The following KCNMB2 variants were observed in gnomAD, a reference collection of about 807,000 sequenced individuals.
KCNMB2 encodes potassium calcium-activated channel subfamily M regulatory beta subunit 2, also known as calcium-activated potassium channel subunit beta-2.
KCNMB2 carries 9 observed loss-of-function variants against 24.5 expected under a neutral mutation model. That is an observed-to-expected ratio of 0.37 (90% CI 0.22 to 0.64). KCNMB2 has a LOEUF of 0.64. Among genes scored for constraint, KCNMB2 ranks in the 30% least tolerant of loss-of-function variants. The probability of loss-of-function intolerance (pLI) is 0.63; values close to 1 mark genes in which losing one functional copy is unlikely to be tolerated. For synonymous variants in KCNMB2, 109 were observed against 104.4 expected, an observed-to-expected ratio of 1.04 and a Z score of -0.27; for missense variants, 226 against 284.3, an observed-to-expected ratio of 0.79 and a Z score of 1.47.
chr3:178,751,731 CAT>C (rs1253370022), intron 1 of KCNMB2, among the ~76,000 whole-genome samples: 1 of 152,140 alleles, frequency 6.6e-6, no homozygotes, highest in East Asian at 1.9e-4. Flanking sequence ...AAACTGCACA[CAT>C]GTTTTATTAT....
intron 1 of KCNMB2, among the ~76,000 whole-genome samples, chr3:178,562,071 T>C (rs1049946529): frequency 2.7e-4 from 41 of 152,252 alleles, no homozygotes; most frequent in Admixed American, 7.2e-4. Context: ...TAATATTGTA[T>C]ATAAAGCAAT....
intron 1 of KCNMB2, among the ~76,000 whole-genome samples, chr3:178,760,553 T>G (rs1362425495): frequency 6.7e-6 from 1 of 148,740 alleles, no homozygotes; most frequent in Non-Finnish European, 1.5e-5. Flanking sequence ...TACCACAATT[T>G]TCACTGGTAA....
At chr3:178,763,925 A>T (rs1486572872) in intron 1 of KCNMB2, among the ~76,000 whole-genome samples, 1 of 152,210 alleles carries the variant, frequency 6.6e-6, no homozygotes, top group Non-Finnish European at 1.5e-5. Context: ...GTCATTGTTA[A>T]ATAGAGTGAC....
At chr3:178,742,998 C>G (rs867545213) in intron 1 of KCNMB2, among the ~76,000 whole-genome samples, 1 of 151,972 alleles carries the variant, frequency 6.6e-6, no homozygotes, top group East Asian at 1.9e-4. Flanking sequence ...GTGGCTGTTA[C>G]AAGAAACACT....
intron 1 of KCNMB2, among the ~76,000 whole-genome samples, chr3:178,593,944 G>A (rs1325728054): frequency 6.7e-6 from 1 of 150,018 alleles, no homozygotes; most frequent in African/African-American, 2.5e-5. Flanking sequence ...AATCATGTCT[G>A]CATGACCCCA....
At chr3:178,552,802 A>T (rs1716003356) in intron 1 of KCNMB2, among the ~76,000 whole-genome samples, 1 of 152,224 alleles carries the variant, frequency 6.6e-6, no homozygotes, top group Non-Finnish European at 1.5e-5. Flanking sequence ...TGTCCTAATA[A>T]GTCACATATT....
intron 1 of KCNMB2, among the ~76,000 whole-genome samples, chr3:178,604,031 A>G (rs537410663): frequency 1.3e-5 from 2 of 152,148 alleles, no homozygotes; most frequent in South Asian, 2.1e-4. Flanking sequence ...CTACCCCAAC[A>G]TGGCTCTGCT....
chr3:178,839,583 T>C (rs891369321), intron 4 of KCNMB2, among the ~76,000 whole-genome samples: 13 of 152,156 alleles, frequency 8.5e-5, no homozygotes, highest in Non-Finnish European at 1.9e-4. Context: ...CTCATGGTTC[T>C]GCATGGCTGG....
chr3:178,726,266 T>C (rs922398498), intron 1 of KCNMB2, among the ~76,000 whole-genome samples: 1 of 151,944 alleles, frequency 6.6e-6, no homozygotes, highest in African/African-American at 2.4e-5. Context: ...CTGCACATAC[T>C]GAAAACCTCA....
chr3:178,624,574 T>G (rs936626436), intron 1 of KCNMB2, among the ~76,000 whole-genome samples: 4 of 137,262 alleles, frequency 2.9e-5, no homozygotes, highest in Non-Finnish European at 4.6e-5. Flanking sequence ...ATTCAGTAGC[T>G]TTCTATTTTT....
rs551197706 is a variant in KCNMB2 at position 178,722,645 on chromosome 3, G to C, written c.-67-84698G>C. On this transcript the variant is annotated intron_variant, in intron 1 of 4. Coordinates refer to ENST00000452583, the MANE Select transcript of KCNMB2 (RefSeq NM_181361.3). ...ACGGTGACATATGCCTGTAATCCCA[G>C]CACTTTGGGGACCAAGATGGGCAGA... 8.5e-5 allele frequency among the ~76,000 whole-genome samples: 13 copies of C among 152,244 alleles called. No individual in the cohort carries two copies. The South Asian group carries it at 2.7e-3, about 32-fold the overall frequency.
intron 1 of KCNMB2, chr3:178,747,105 C>T (rs931245883): frequency 3.3e-5 from 5 of 152,472 alleles, no homozygotes. Context: ...TGAAGACATA[C>T]CTGAGACTGC....
intron 1 of KCNMB2, among the ~76,000 whole-genome samples, chr3:178,628,184 CCTT>C (rs1560138084): frequency 6.6e-6 from 1 of 152,236 alleles, no homozygotes; most frequent in East Asian, 1.9e-4. Flanking sequence ...AGCCCCTCTC[CCTT>C]CTTGTCAACA....
intron 1 of KCNMB2, among the ~76,000 whole-genome samples, chr3:178,773,974 G>T (rs1007235575): frequency 6.6e-6 from 1 of 152,164 alleles, no homozygotes; most frequent in Non-Finnish European, 1.5e-5. Flanking sequence ...CACAATTCTG[G>T]AGACTGGGAA....
intron 1 of KCNMB2, among the ~76,000 whole-genome samples, chr3:178,678,662 T>G (rs865927944): frequency 6.6e-6 from 1 of 152,180 alleles, no homozygotes; most frequent in African/African-American, 2.4e-5. Flanking sequence ...ACTTCACCTA[T>G]TGGGGATGCT....
chr3:178,702,900 A>C (rs920594758), intron 1 of KCNMB2, among the ~76,000 whole-genome samples: 7 of 152,052 alleles, frequency 4.6e-5, no homozygotes, highest in African/African-American at 1.7e-4. Context: ...GCTTTATCCT[A>C]CCTGCTTCCT....
chr3:178,671,087 C>T (rs999527513), intron 1 of KCNMB2, among the ~76,000 whole-genome samples: 14 of 142,718 alleles, frequency 9.8e-5, no homozygotes, highest in South Asian at 2.4e-4. Context: ...ACCACCACTG[C>T]CCCCCTCACC....
intron 1 of KCNMB2, among the ~76,000 whole-genome samples, chr3:178,560,821 G>A (rs991911453): frequency 1.3e-5 from 2 of 152,148 alleles, no homozygotes; most frequent in Non-Finnish European, 2.9e-5. Flanking sequence ...CCCAGATGTG[G>A]ACACTAAGGC....
chr3:178,819,059 A>G lies in KCNMB2; in HGVS notation c.57-6529A>G, dbSNP rs140740477. ...TCCTAAACCACCTTTGAGCTTGTAA[A>G]TCATAGCCCTGGGCCAATTTAATCC... On this transcript the variant is annotated intron_variant, in intron 2 of 4. Transcript: ENST00000452583. 2.7e-3 allele frequency among the ~76,000 whole-genome samples: 407 copies of G among 152,322 alleles called. 2 individuals are homozygous for G. Among genetic ancestry groups the G allele is most frequent in the African/African-American group, 9.3e-3 (388 of 41,574 alleles).
Sources: allele counts gnomAD v4.1 joint callset (sites outside exome capture counted in the v4.1 genomes callset), GRCh38; gene constraint gnomAD v4.1.1; transcripts MANE v1.5; gene names NCBI Gene and HGNC (gene_info 2026-07-23, HGNC 2026-07-21).